GABRB1: variants seen among roughly 807,000 people sequenced by gnomAD.
GABRB1 encodes gamma-aminobutyric acid receptor subunit beta-1.
In GABRB1, 17 loss-of-function variants were observed where a neutral mutation model predicts 51.6. The ratio of observed to expected loss-of-function variants is 0.33; its 90% CI spans 0.23 to 0.49. The LOEUF is 0.49. Among genes scored for constraint, GABRB1 ranks in the 20% least tolerant of loss-of-function variants. The pLI, the probability that GABRB1 is intolerant of heterozygous loss-of-function variation, is 0.99. For missense variants in GABRB1, 410 were observed against 600.6 expected, an observed-to-expected ratio of 0.68 and a Z score of 3.32; for synonymous variants, 247 against 218.9, an observed-to-expected ratio of 1.13 and a Z score of -1.14.
chr4:47,311,060 CA>C (rs34566582), intron 4 of GABRB1, among the ~76,000 whole-genome samples: 580 of 52,162 alleles, frequency 0.011, no homozygotes, highest in African/African-American at 0.037. Context: ...AACTCTGTCT[CA>C]AAAAAAAAAA....
chr4:47,019,736 G>A (rs911847611), intron 1 of GABRB1, among the ~76,000 whole-genome samples: 2 of 134,000 alleles, frequency 1.5e-5, no homozygotes, highest in Non-Finnish European at 3.1e-5. Context: ...CTTCTTTCAC[G>A]GGCTCTCACT....
intron 4 of GABRB1, among the ~76,000 whole-genome samples, chr4:47,213,807 G>A (rs1212293257): frequency 6.7e-6 from 1 of 149,180 alleles, no homozygotes; most frequent in African/African-American, 2.5e-5. Flanking sequence ...GATTTGTGTG[G>A]TTTAACAAAA....
intron 4 of GABRB1, among the ~76,000 whole-genome samples, chr4:47,242,027 C>G: frequency 6.6e-6 from 1 of 152,036 alleles, no homozygotes; most frequent in Non-Finnish European, 1.5e-5. Context: ...CTGATGCTAT[C>G]CCTTCCCCCT....
chr4:47,016,024 A>T (rs1724731546), intron 1 of GABRB1, among the ~76,000 whole-genome samples: 2 of 152,232 alleles, frequency 1.3e-5, no homozygotes, highest in African/African-American at 4.8e-5. Context: ...CAAGGATGAG[A>T]TGGGCAGAAA....
rs78968922 is a variant in GABRB1, at chr4:47,181,621, C to T, written c.461+20152C>T. 2.1e-3 allele frequency among the ~76,000 whole-genome samples: 322 copies of T among 152,052 alleles called. 6 individuals are homozygous for T. In the East Asian group the frequency reaches 0.055, roughly 26 times the overall value. On this transcript the variant is annotated intron_variant, in intron 4 of 8. Coordinates refer to ENST00000295454, the MANE Select transcript of GABRB1 (RefSeq NM_000812.4). ...AGAGGGCAAAAATAGTAGTGCCTATCGCATAGGGTTGTAAGGGCAATAATG... is the reference window on the plus strand; with the variant it reads ...AGAGGGCAAAAATAGTAGTGCCTATTGCATAGGGTTGTAAGGGCAATAATG...
At chr4:47,274,301 A>T (rs1435524821) in intron 4 of GABRB1, among the ~76,000 whole-genome samples, 2 of 152,188 alleles carry the variant, frequency 1.3e-5, no homozygotes, top group African/African-American at 4.8e-5. Context: ...CCTGGCACAC[A>T]TTTAAAAAGA....
At chr4:47,330,686 T>C (rs1471324934) in intron 5 of GABRB1, among the ~76,000 whole-genome samples, 1 of 152,202 alleles carries the variant, frequency 6.6e-6, no homozygotes, top group Non-Finnish European at 1.5e-5. Flanking sequence ...CTTCAAGGTC[T>C]CTTTTAGCCT....
intron 4 of GABRB1, among the ~76,000 whole-genome samples, chr4:47,174,255 A>G (rs1718567591): frequency 6.6e-6 from 1 of 152,010 alleles, no homozygotes; most frequent in African/African-American, 2.4e-5. Context: ...TTTTGTTGAT[A>G]TGTGTTCTTC....
At position 47,378,436 on chromosome 4, in the gene GABRB1, C is replaced by G. The variant is rs895429639; in HGVS notation, c.545-24882C>G. Among the ~76,000 whole-genome samples the G allele has an allele frequency of 4.8e-4, 73 of 152,202 alleles. 2 individuals carry two copies. Among genetic ancestry groups the G allele is most frequent in the African/African-American group, 1.7e-3 (70 of 41,468 alleles). On this transcript the variant is annotated intron_variant, in intron 5 of 8. Transcript: ENST00000295454. Reference sequence around the variant, plus strand: ...GCCCGGGTTCCCGCCCACACCTCTCCCTCCACACCTCCCTGCAAGCTGAGA... The same window carrying G: ...GCCCGGGTTCCCGCCCACACCTCTCGCTCCACACCTCCCTGCAAGCTGAGA...
intron 4 of GABRB1, among the ~76,000 whole-genome samples, chr4:47,202,438 G>T (rs921179708): frequency 3.3e-5 from 5 of 152,084 alleles, no homozygotes; most frequent in Non-Finnish European, 5.9e-5. Context: ...CAGTAGTGAA[G>T]AATTTGACAC....
At chr4:47,056,422 G>A (rs1345839909) in intron 3 of GABRB1, among the ~76,000 whole-genome samples, 1 of 152,134 alleles carries the variant, frequency 6.6e-6, no homozygotes, top group East Asian at 1.9e-4. Context: ...AAGGTTTGTG[G>A]TAGGACTTCT....
At chr4:47,181,818 C>T (rs1718961479) in intron 4 of GABRB1, among the ~76,000 whole-genome samples, 1 of 151,928 alleles carries the variant, frequency 6.6e-6, no homozygotes. Flanking sequence ...ATCATCTTCC[C>T]CGGGAGAATT....
chr4:47,100,071 T>G (rs1202949883), intron 3 of GABRB1, among the ~76,000 whole-genome samples: 1 of 152,052 alleles, frequency 6.6e-6, no homozygotes, highest in Non-Finnish European at 1.5e-5. Context: ...GTTCGGGGTT[T>G]AAAAGACTTA....
At chr4:46,996,841 G>A (rs774266215) in intron 1 of GABRB1, among the ~76,000 whole-genome samples, 1 of 152,028 alleles carries the variant, frequency 6.6e-6, no homozygotes, top group Non-Finnish European at 1.5e-5. Flanking sequence ...TAATCTGAAA[G>A]GATTCAACCT....
intron 4 of GABRB1, among the ~76,000 whole-genome samples, chr4:47,202,374 A>T (rs1425821596): frequency 1.3e-5 from 2 of 152,166 alleles, no homozygotes; most frequent in Non-Finnish European, 2.9e-5. Flanking sequence ...TCTTTCCTTT[A>T]TAAATTACCC....
intron 3 of GABRB1, among the ~76,000 whole-genome samples, chr4:47,132,460 T>TA (rs1309880070): frequency 2.6e-5 from 4 of 152,218 alleles, no homozygotes; most frequent in African/African-American, 9.6e-5. Context: ...TGCATCACTT[T>TA]AAAAAAGCTT....
chr4:47,183,167 C>T (rs1719026633), intron 4 of GABRB1, among the ~76,000 whole-genome samples: 1 of 151,250 alleles, frequency 6.6e-6, no homozygotes, highest in South Asian at 2.1e-4. Context: ...GAGGTAATAG[C>T]AATGTCATGT....
At chr4:47,057,857 A>C (rs1401948877) in intron 3 of GABRB1, among the ~76,000 whole-genome samples, 3 of 152,210 alleles carry the variant, frequency 2.0e-5, no homozygotes. Context: ...TTTTTACACA[A>C]GTATACCACC....
intron 4 of GABRB1, among the ~76,000 whole-genome samples, chr4:47,265,173 G>A (rs1449659803): frequency 6.6e-6 from 1 of 151,946 alleles, no homozygotes; most frequent in Non-Finnish European, 1.5e-5. Flanking sequence ...ACATTATTTA[G>A]CTCCCACTTA....
Sources: gnomAD v4.1 joint callset for allele counts (sites outside exome capture counted in the v4.1 genomes callset) on GRCh38, gnomAD v4.1.1 for gene constraint, MANE v1.5 for transcripts, NCBI Gene and HGNC (gene_info 2026-07-23, HGNC 2026-07-21) for gene names.